The following MIR2052HG variants were observed in gnomAD, a reference collection of about 807,000 sequenced individuals.
The protein encoded by MIR2052HG is MIR2052 host gene.
intron 4 of MIR2052HG, among the ~76,000 whole-genome samples, chr8:74,751,751 C>T (rs1390175263): frequency 6.6e-6 from 1 of 152,136 alleles, no homozygotes; most frequent in Non-Finnish European, 1.5e-5. Context: ...TGTAAACATT[C>T]CTAATTATGA....
chr8:74,736,443 GA>G (rs1201691972), intron 4 of MIR2052HG, among the ~76,000 whole-genome samples: 2 of 152,132 alleles, frequency 1.3e-5, no homozygotes, highest in Admixed American at 1.3e-4. Flanking sequence ...ATGGGGTAGG[GA>G]AAAAATTTGT....
intron 4 of MIR2052HG, among the ~76,000 whole-genome samples, chr8:74,751,288 AT>A (rs1224910009): frequency 2.0e-5 from 3 of 152,078 alleles, no homozygotes; most frequent in Admixed American, 6.6e-5. Context: ...TTTCTTGCTG[AT>A]TTTACTGTTT....
At chr8:74,616,329 A>C (rs1414977472) in intron 2 of MIR2052HG, among the ~76,000 whole-genome samples, 1 of 150,510 alleles carries the variant, frequency 6.6e-6, no homozygotes, top group African/African-American at 2.4e-5. Flanking sequence ...ATGGTATCTC[A>C]CTGTGGTTTT....
chr8:74,688,621 A>G, intron 2 of MIR2052HG, among the ~76,000 whole-genome samples: 1 of 152,180 alleles, frequency 6.6e-6, no homozygotes, highest in East Asian at 1.9e-4. Context: ...CACGTTTGGA[A>G]CTTGCTTTTT....
At chr8:74,713,065 T>C (rs1809486274) in intron 4 of MIR2052HG, among the ~76,000 whole-genome samples, 1 of 152,168 alleles carries the variant, frequency 6.6e-6, no homozygotes, top group African/African-American at 2.4e-5. Flanking sequence ...ACATCTGAGC[T>C]GAGTCCATGT....
intron 5 of MIR2052HG, among the ~76,000 whole-genome samples, chr8:74,754,132 T>C (rs1388053196): frequency 6.6e-6 from 1 of 152,196 alleles, no homozygotes; most frequent in African/African-American, 2.4e-5. Context: ...AAGAACATAA[T>C]AGTACCTACC....
At chr8:74,650,411 T>C (rs1187566442) in intron 2 of MIR2052HG, among the ~76,000 whole-genome samples, 1 of 152,218 alleles carries the variant, frequency 6.6e-6, no homozygotes, top group African/African-American at 2.4e-5. Context: ...ATAGTATAGA[T>C]ATACCACAAT....
In MIR2052HG at chr8:74,678,889, A is replaced by G. The variant is rs1223273094; in HGVS notation, n.217-23490A>G. Among the ~76,000 whole-genome samples the G allele has an allele frequency of 3.3e-5, 5 of 152,260 alleles. No homozygotes were observed. In the East Asian group the frequency reaches 5.8e-4, roughly 18 times the overall value. ...TGAACAAGTTAGGTTTATCCCAGGA[A>G]AAACATGTGCTTTAAAACAATAATA... is the stretch of plus-strand genomic sequence containing the variant. On this transcript the variant is annotated intron_variant and non_coding_transcript_variant, in intron 2 of 6. Coordinates refer to ENST00000523442, the Ensembl canonical transcript of MIR2052HG.
chr8:74,606,643 G>C (rs1212473944), intron 1 of MIR2052HG, among the ~76,000 whole-genome samples: 5 of 152,136 alleles, frequency 3.3e-5, no homozygotes, highest in Admixed American at 6.5e-5. Flanking sequence ...AGAACACATA[G>C]ACACGTACAG....
At chr8:74,600,440 G>T (rs538288666) in intron 1 of MIR2052HG, among the ~76,000 whole-genome samples, 2 of 151,282 alleles carry the variant, frequency 1.3e-5, no homozygotes, top group Non-Finnish European at 1.5e-5. Flanking sequence ...AAAATTAGCC[G>T]GGCGTGGTTG....
At chr8:74,682,390 T>C (rs1809135328) in intron 2 of MIR2052HG, among the ~76,000 whole-genome samples, 1 of 152,060 alleles carries the variant, frequency 6.6e-6, no homozygotes, top group Non-Finnish European at 1.5e-5. Flanking sequence ...CTGAGATATA[T>C]AACTGAAAAA....
intron 4 of MIR2052HG, among the ~76,000 whole-genome samples, chr8:74,708,399 G>C (rs1035893613): frequency 2.0e-5 from 3 of 152,100 alleles, no homozygotes; most frequent in Non-Finnish European, 4.4e-5. Context: ...CAGCATGCTT[G>C]GGCAACTTGT....
At chr8:74,704,037 CTT>C (rs1477698559) in intron 4 of MIR2052HG, among the ~76,000 whole-genome samples, 3 of 151,814 alleles carry the variant, frequency 2.0e-5, no homozygotes, top group African/African-American at 4.8e-5. Context: ...GGTGGTAACT[CTT>C]TTGAGGGAAA....
chr8:74,719,083 T>G (rs1809548776), intron 4 of MIR2052HG, among the ~76,000 whole-genome samples: 1 of 151,960 alleles, frequency 6.6e-6, no homozygotes, highest in African/African-American at 2.4e-5. Flanking sequence ...CATCTTTTTT[T>G]TTTTTTTTCT....
At chr8:74,728,952 C>A in intron 4 of MIR2052HG, among the ~76,000 whole-genome samples, 1 of 152,068 alleles carries the variant, frequency 6.6e-6, no homozygotes, top group East Asian at 1.9e-4. Flanking sequence ...AGTCACCAGG[C>A]TTTTCCCTGA....
intron 2 of MIR2052HG, among the ~76,000 whole-genome samples, chr8:74,673,329 C>T (rs1809013256): frequency 6.6e-6 from 1 of 152,008 alleles, no homozygotes; most frequent in South Asian, 2.1e-4. Flanking sequence ...CTCATGAGCA[C>T]CTAGAGGGCC....
intron 4 of MIR2052HG, among the ~76,000 whole-genome samples, chr8:74,733,048 ACATTTATT>A (rs918225152): frequency 2.1e-5 from 3 of 141,860 alleles, no homozygotes; most frequent in African/African-American, 8.7e-5. Context: ...CAATTAGGAG[ACATTTATT>A]TATTTATTTA....
At chr8:74,629,394 G>T (rs189969542) in intron 2 of MIR2052HG, among the ~76,000 whole-genome samples, 384 of 152,148 alleles carry the variant, frequency 2.5e-3, no homozygotes, top group African/African-American at 8.5e-3. Flanking sequence ...TAGCCAGGTT[G>T]CAGATAATTA....
chr8:74,704,872 A>G (rs953502554), intron 4 of MIR2052HG, among the ~76,000 whole-genome samples: 2 of 152,094 alleles, frequency 1.3e-5, no homozygotes, highest in African/African-American at 2.4e-5. Flanking sequence ...TTCACAAACT[A>G]TCCTCTTTCA....
Sources: gnomAD v4.1 joint callset for allele counts (sites outside exome capture counted in the v4.1 genomes callset) on GRCh38, gnomAD v4.1.1 for gene constraint, MANE v1.5 for transcripts, NCBI Gene and HGNC (gene_info 2026-07-23, HGNC 2026-07-21) for gene names.